Variants in XPNPEP3 observed in about 807,000 individuals in gnomAD.
XPNPEP3 encodes xaa-Pro aminopeptidase 3.
A neutral mutation model predicts 60.0 loss-of-function variants in XPNPEP3; 41 were observed. The observed-to-expected ratio is 0.68, with a 90% CI of 0.53 to 0.89. The LOEUF is 0.89. XPNPEP3 is among the 40% of genes least tolerant of loss of function. XPNPEP3 has a pLI of 0.00. For missense variants in XPNPEP3, 598 were observed against 638.9 expected, an observed-to-expected ratio of 0.94 and a Z score of 0.69; for synonymous variants, 212 against 223.2, an observed-to-expected ratio of 0.95 and a Z score of 0.45.
intron 1 of XPNPEP3, chr22:40,860,700 T>G: frequency 1.9e-6 from 2 of 1,072,540 alleles, no homozygotes; most frequent in Non-Finnish European, 2.7e-6. Context: ...TCACCCAAGC[T>G]GGAGTGCAGT....
At chr22:40,863,845 T>C (rs1179082394) in intron 1 of XPNPEP3, among the ~76,000 whole-genome samples, 2 of 152,162 alleles carry the variant, frequency 1.3e-5, no homozygotes, top group African/African-American at 4.8e-5. Context: ...TAGTGAAAAA[T>C]CTGATTTTTA....
rs750716923 is a variant in XPNPEP3 at position 40,861,638 on chromosome 22, C to T, written c.64+4393C>T. 3 of 1,613,650 alleles carry T rather than the reference C, an allele frequency of 1.9e-6. No homozygotes were observed. The South Asian group carries it at 3.3e-5, about 18-fold the overall frequency. On this transcript the variant is annotated intron_variant, in intron 1 of 9. Transcript: ENST00000357137. ...CATAGGAGCTTCCTGGACGATTTAA[C>T]AGGTCCTCAAGCGAGTCTTCAAAGA... is the stretch of plus-strand genomic sequence containing the variant.
At chr22:40,862,140 A>G (rs6002182) in intron 1 of XPNPEP3, 100,755 of 1,455,248 alleles carry the variant, frequency 0.069, 5,967 homozygotes, top group African/African-American at 0.3. Flanking sequence ...CCATGTGCTA[A>G]GAGATGAGGA....
intron 4 of XPNPEP3, among the ~76,000 whole-genome samples, chr22:40,899,017 A>G (rs147381702): frequency 1.1e-4 from 17 of 152,294 alleles, no homozygotes; most frequent in Admixed American, 2.6e-4. Context: ...TCACTCAGCA[A>G]TATTCAAAAT....
At chr22:40,872,481 G>A (rs1020130866) in intron 2 of XPNPEP3, among the ~76,000 whole-genome samples, 3 of 150,436 alleles carry the variant, frequency 2.0e-5, no homozygotes, top group Admixed American at 6.7e-5. Context: ...ACGGAATTTC[G>A]CTCTTGTCGC....
Position 40,928,067 on chromosome 22 carries a change from T to C in XPNPEP3, c.*1632T>C, listed in dbSNP as rs565654299. On this transcript the variant is annotated 3_prime_UTR_variant, in exon 10 of 10. Transcript: ENST00000357137. ...CGCCCAGTTTTCAGAGAAGTACCCCTGTTATCATTCTGTGATTTCCTCTAG... is the reference window on the plus strand; with the variant it reads ...CGCCCAGTTTTCAGAGAAGTACCCCCGTTATCATTCTGTGATTTCCTCTAG... 1.3e-5 allele frequency: 2 copies of C among 152,200 alleles called. No homozygotes were observed. Among genetic ancestry groups the C allele is most frequent in the African/African-American group, 4.8e-5 (2 of 41,530 alleles). The allele number at this position is 152,200 out of a possible 1,614,324, so 9.4% of individuals were successfully genotyped here.
rs755494757 is a variant in XPNPEP3, at chr22:40,910,687, C to G, written c.969+1452C>G. 5.9e-5 allele frequency among the ~76,000 whole-genome samples: 9 copies of G among 151,792 alleles called. No homozygotes were observed. The South Asian group carries it at 1.0e-3, about 18-fold the overall frequency. ...CACCACTGCATTGCAGCCTGGGCAA[C>G]AGAGCAAGACCCTGTCTTTAAAAAA... On this transcript the variant is annotated intron_variant, in intron 6 of 9. Transcript: ENST00000357137.
intron 4 of XPNPEP3, among the ~76,000 whole-genome samples, chr22:40,906,204 G>C (rs975688619): frequency 6.6e-6 from 1 of 152,118 alleles, no homozygotes; most frequent in African/African-American, 2.4e-5. Flanking sequence ...GCGTCCTGAA[G>C]TGCTGGGTTA....
At chr22:40,873,481 A>G (rs1216333296) in intron 2 of XPNPEP3, among the ~76,000 whole-genome samples, 3 of 152,116 alleles carry the variant, frequency 2.0e-5, no homozygotes, top group African/African-American at 4.8e-5. Context: ...CATGAAATAT[A>G]AGACGATGCT....
intron 4 of XPNPEP3, among the ~76,000 whole-genome samples, chr22:40,892,605 T>C (rs191802408): frequency 1.4e-4 from 22 of 152,338 alleles, no homozygotes; most frequent in African/African-American, 5.3e-4. Context: ...GAACATGACA[T>C]GTTGTCGCCA....
At chr22:40,862,388 A>G (rs2057955695) in intron 1 of XPNPEP3, 14 of 994,172 alleles carry the variant, frequency 1.4e-5, no homozygotes, top group Non-Finnish European at 1.6e-5. Context: ...GCATAATATG[A>G]CCTCTAGATT....
intron 6 of XPNPEP3, among the ~76,000 whole-genome samples, chr22:40,911,628 C>T (rs930792813): frequency 4.0e-5 from 6 of 151,848 alleles, no homozygotes; most frequent in Admixed American, 3.9e-4. Flanking sequence ...CAACCTCCCT[C>T]TACCTCCCAG....
rs775564511 is a variant in XPNPEP3 at position 40,914,306 on chromosome 22, C to T, written c.1037C>T (p.Thr346Met). The change falls in exon 7 of 10, where the codon ACG becomes ATG. Residue 346 changes from threonine (T) to methionine (M), a missense_variant. Physicochemically the swap from Thr to Met is moderately conservative, Grantham distance 81. Transcript: ENST00000357137. ...TGCTATGTGAGTGACATCACACGTA[C>T]GTGGCCAGTCAATGGCAGGTAGGGC... ...SSCYVSDITR[T>M]WPVNGRFTAP... The T allele has an allele frequency of 1.5e-5, 24 of 1,613,912 alleles. No homozygotes were observed. The highest frequency in any genetic ancestry group is 3.3e-5 in the South Asian group (3 of 91,082).
rs1323581650 is a variant in XPNPEP3, at chr22:40,878,570, AATTG to A, written c.182-3196_182-3193del. 1.3e-4 allele frequency among the ~76,000 whole-genome samples: 20 copies of A among 152,182 alleles called. 2 individuals carry two copies. In the East Asian group the frequency reaches 3.7e-3, roughly 28 times the overall value. ...TTTCTTACCTTCTGAAATAAAAAAG[AATTG>A]ATTTTTAAATTTCTTTCTTTTTTTT... On this transcript the variant is annotated intron_variant, in intron 2 of 9. Coordinates refer to ENST00000357137, the MANE Select transcript of XPNPEP3 (RefSeq NM_022098.4).
intron 2 of XPNPEP3, among the ~76,000 whole-genome samples, chr22:40,876,149 C>T (rs1473217617): frequency 6.6e-6 from 1 of 152,088 alleles, no homozygotes; most frequent in Non-Finnish European, 1.5e-5. Flanking sequence ...TAGGAGCTAC[C>T]TAAAGAAATG....
Position 40,861,681 on chromosome 22 carries a change from T to A in XPNPEP3, c.64+4436T>A, listed in dbSNP as rs780107505. 3.9e-5 allele frequency: 63 copies of A among 1,614,114 alleles called. No individual in the cohort carries two copies. In the East Asian group the frequency reaches 1.4e-3, roughly 35 times the overall value. On this transcript the variant is annotated intron_variant, in intron 1 of 9. Transcript: ENST00000357137. ...TTCAAAGAAGTGAAAAGAAAATGGA[T>A]CCCTTTCATGAAAAATTTCTTTAAA...
chr22:40,875,025 A>G lies in XPNPEP3; in HGVS notation c.181+5910A>G, dbSNP rs552927003. On this transcript the variant is annotated intron_variant, in intron 2 of 9. Transcript: ENST00000357137. ...TTTTTAATAGATTATACCTGATAGAATAGTAGACTAAAAGTTTTGTATCCT... is the reference window on the plus strand; with the variant it reads ...TTTTTAATAGATTATACCTGATAGAGTAGTAGACTAAAAGTTTTGTATCCT... Among the ~76,000 whole-genome samples, 7 of 152,316 alleles carry G rather than the reference A, an allele frequency of 4.6e-5. No homozygotes were observed. The South Asian group carries it at 1.4e-3, about 32-fold the overall frequency.
Position 40,909,911 on chromosome 22 carries a change from G to A in XPNPEP3, c.969+676G>A, listed in dbSNP as rs966465216. Among the ~76,000 whole-genome samples, 19 of 151,754 alleles carry A rather than the reference G, an allele frequency of 1.3e-4. No individual in the cohort carries two copies. In the South Asian group the frequency reaches 2.9e-3, roughly 23 times the overall value. ...TAACTCTACTTCTCTGAGGACTTGC[G>A]GCAACAACAGTGAGCCAAGCAGATT... On this transcript the variant is annotated intron_variant, in intron 6 of 9. Transcript: ENST00000357137.
intron 4 of XPNPEP3, among the ~76,000 whole-genome samples, chr22:40,899,037 T>C (rs1453822545): frequency 6.6e-6 from 1 of 152,230 alleles, no homozygotes; most frequent in Non-Finnish European, 1.5e-5. Flanking sequence ...TGAGAGATAC[T>C]GTTCTTTGAT....
Sources: allele counts gnomAD v4.1 joint callset (sites outside exome capture counted in the v4.1 genomes callset), GRCh38; gene constraint gnomAD v4.1.1; transcripts MANE v1.5; gene names NCBI Gene and HGNC (gene_info 2026-07-23, HGNC 2026-07-21).